The following BCL2L11 variants were observed in gnomAD, a reference collection of about 807,000 sequenced individuals.
BCL2L11 encodes the protein BCL2 like 11.
BCL2L11 carries 15 observed loss-of-function variants against 20.6 expected under a neutral mutation model. The ratio of observed to expected loss-of-function variants is 0.73; its 90% CI spans 0.49 to 1.12. BCL2L11 has a LOEUF of 1.12. Among genes scored for constraint, BCL2L11 ranks in the 50% most tolerant of loss-of-function variants. The probability of loss-of-function intolerance (pLI) is 0.00; values close to 1 mark genes in which losing one functional copy is unlikely to be tolerated. For synonymous variants in BCL2L11, 108 were observed against 92.8 expected, an observed-to-expected ratio of 1.16 and a Z score of -0.94; for missense variants, 292 against 260.9, an observed-to-expected ratio of 1.12 and a Z score of -0.82.
At chr2:111,122,458 G>A (rs1211154042) in intron 1 of BCL2L11, among the ~76,000 whole-genome samples, 1 of 152,212 alleles carries the variant, frequency 6.6e-6, no homozygotes, top group African/African-American at 2.4e-5. Flanking sequence ...AGGCGAGTTT[G>A]TCAACAATCG....
At chr2:111,149,944 A>G in intron 2 of BCL2L11, 100 bp from the exon 3 acceptor site, 2 of 921,210 alleles carry the variant, frequency 2.2e-6, no homozygotes, top group Admixed American at 2.5e-5. Context: ...AATGTGAAAG[A>G]GTGTGTGAGA....
At chr2:111,137,758 T>C (rs547700541) in intron 2 of BCL2L11, among the ~76,000 whole-genome samples, 16 of 152,002 alleles carry the variant, frequency 1.1e-4, no homozygotes, top group South Asian at 4.2e-4. Flanking sequence ...AGAATCTACA[T>C]TATTCTGCCC....
At chr2:111,141,856 G>A (rs1358630415) in intron 2 of BCL2L11, among the ~76,000 whole-genome samples, 1 of 151,982 alleles carries the variant, frequency 6.6e-6, no homozygotes, top group Non-Finnish European at 1.5e-5. Flanking sequence ...GTGCCACCAT[G>A]CCTGGTGAAT....
intron 1 of BCL2L11, chr2:111,122,800 T>A: frequency 2.0e-6 from 2 of 985,216 alleles, no homozygotes; most frequent in Non-Finnish European, 2.4e-6. Context: ...AGTCCCGGGC[T>A]TTGTCTCCTG....
At chr2:111,123,364 A>C (rs988922330) in intron 1 of BCL2L11, 3 of 985,364 alleles carry the variant, frequency 3.0e-6, no homozygotes, top group African/African-American at 3.5e-5. Flanking sequence ...CCGGCGTCCT[A>C]CCTAACCCCG....
chr2:111,133,053 G>T (rs1248888915), intron 2 of BCL2L11, among the ~76,000 whole-genome samples: 1 of 152,016 alleles, frequency 6.6e-6, no homozygotes, highest in Non-Finnish European at 1.5e-5. Flanking sequence ...CTGAACAAAA[G>T]AAAACAGATT....
intron 2 of BCL2L11, among the ~76,000 whole-genome samples, chr2:111,129,109 A>T (rs1223759568): frequency 6.6e-6 from 1 of 152,270 alleles, no homozygotes; most frequent in Non-Finnish European, 1.5e-5. Flanking sequence ...TTAAATGAGC[A>T]TTGTAAACAG....
chr2:111,125,718 G>A lies in BCL2L11; in HGVS notation c.394+1579G>A, dbSNP rs6733986. Among the ~76,000 whole-genome samples the A allele has an allele frequency of 8.7e-3, 1,318 of 151,762 alleles. 16 individuals are homozygous for A. The highest frequency in any genetic ancestry group is 0.03 in the African/African-American group (1,239 of 41,560). The stretch of plus-strand genomic sequence containing the variant: ...TGTGAGGTGGTGGGGAGAAATGACA[G>A]ACATCCCAGCAGCTACACATGCTGG... On this transcript the variant is annotated intron_variant, in intron 2 of 3. Coordinates refer to ENST00000393256, the MANE Select transcript of BCL2L11 (RefSeq NM_138621.5).
At chr2:111,139,213 A>G (rs1293453469) in intron 2 of BCL2L11, among the ~76,000 whole-genome samples, 1 of 152,160 alleles carries the variant, frequency 6.6e-6, no homozygotes, top group Non-Finnish European at 1.5e-5. Flanking sequence ...TGAACCAAAC[A>G]TCACCTGAGA....
At chr2:111,123,682 A>G (rs1474218375) in intron 1 of BCL2L11, 51 bp from the exon 2 acceptor site, 4 of 1,362,060 alleles carry the variant, frequency 2.9e-6, no homozygotes, top group Non-Finnish European at 3.8e-6. Flanking sequence ...TTGTTTATTC[A>G]TCGATTTTTT....
intron 2 of BCL2L11, chr2:111,142,358 T>A (rs1386456834): frequency 2.1e-5 from 33 of 1,550,444 alleles, no homozygotes; most frequent in Non-Finnish European, 2.9e-5. Context: ...CATAGGGAAG[T>A]TCAGTGGCCA....
intron 2 of BCL2L11, among the ~76,000 whole-genome samples, chr2:111,143,653 C>G (rs1273886485): frequency 6.6e-6 from 1 of 152,164 alleles, no homozygotes; most frequent in Admixed American, 6.5e-5. Flanking sequence ...TCTTAGAGGG[C>G]TCCTGCTCAG....
At chr2:111,156,877 T>G (rs1163894490) in intron 3 of BCL2L11, among the ~76,000 whole-genome samples, 2 of 152,236 alleles carry the variant, frequency 1.3e-5, no homozygotes, top group South Asian at 2.1e-4. Flanking sequence ...CACTTTGAAC[T>G]GTAATTGAAA....
intron 2 of BCL2L11, among the ~76,000 whole-genome samples, chr2:111,149,524 C>A (rs2076991589): frequency 6.6e-6 from 1 of 152,180 alleles, no homozygotes; most frequent in African/African-American, 2.4e-5. Context: ...TACCTGCTTT[C>A]ATAGAAACCA....
intron 3 of BCL2L11, among the ~76,000 whole-genome samples, chr2:111,156,410 A>G (rs1185720210): frequency 9.6e-6 from 1 of 104,706 alleles, no homozygotes; most frequent in Non-Finnish European, 1.9e-5. Flanking sequence ...GCCATTGATC[A>G]GTGGCACGGT....
chr2:111,130,097 A>G (rs1250596876), intron 2 of BCL2L11: 1 of 396,776 alleles, frequency 2.5e-6, no homozygotes, highest in South Asian at 1.8e-5. Flanking sequence ...TATTTATTGT[A>G]CTTTTACTTC....
Position 111,165,321 on chromosome 2 carries a change from G to A in BCL2L11, c.*1090G>A, listed in dbSNP as rs1255984040. 6.6e-6 allele frequency: 1 copy of A among 152,318 alleles called. No homozygotes were observed. The highest frequency in any genetic ancestry group is 2.4e-5 in the African/African-American group (1 of 41,466). The allele number at this position is 152,318 out of a possible 1,614,324, so 9.4% of individuals were successfully genotyped here. On this transcript the variant is annotated 3_prime_UTR_variant, in exon 4 of 4. Coordinates refer to ENST00000393256, the MANE Select transcript of BCL2L11 (RefSeq NM_138621.5). ...TCCATTACAGCAGAGTCCAGCTGCA[G>A]CATCCAGCTCACGCCCTCATGGGAA... is the stretch of plus-strand genomic sequence containing the variant.
intron 2 of BCL2L11, among the ~76,000 whole-genome samples, chr2:111,147,390 ACCCG>A (rs1553500144): frequency 1.4e-5 from 2 of 138,256 alleles, no homozygotes; most frequent in Non-Finnish European, 3.2e-5. Context: ...ACACACACAC[ACCCG>A]CCATTTCTCC....
chr2:111,140,476 G>GAAGGC (rs2075632786), intron 2 of BCL2L11, among the ~76,000 whole-genome samples: 1 of 152,132 alleles, frequency 6.6e-6, no homozygotes, highest in Admixed American at 6.5e-5. Flanking sequence ...TTTTTTCAAA[G>GAAGGC]AAGGCAGCTT....
Sources: gnomAD v4.1 joint callset for allele counts (sites outside exome capture counted in the v4.1 genomes callset) on GRCh38, gnomAD v4.1.1 for gene constraint, MANE v1.5 for transcripts, NCBI Gene and HGNC (gene_info 2026-07-23, HGNC 2026-07-21) for gene names.